The following TNFRSF11A variants were observed in gnomAD, a reference collection of about 807,000 sequenced individuals.
The protein encoded by TNFRSF11A is TNF receptor superfamily member 11a.
TNFRSF11A carries 32 observed loss-of-function variants against 55.7 expected under a neutral mutation model. The ratio of observed to expected loss-of-function variants is 0.57; its 90% confidence interval spans 0.43 to 0.77. The LOEUF (loss-of-function observed/expected upper bound fraction) is 0.77, where lower values mean the gene tolerates loss of function less well. TNFRSF11A is among the 30% of genes least tolerant of loss of function. The pLI is 0.00. For missense variants in TNFRSF11A, 753 were observed against 809.8 expected (o/e 0.93, Z 0.85); for synonymous variants, 311 against 331.0 (o/e 0.94, Z 0.65).
intron 9 of TNFRSF11A, among the ~76,000 whole-genome samples, chr18:62,370,609 T>C (rs540794774): frequency 6.6e-6 from 1 of 152,284 alleles, no homozygotes; most frequent in Admixed American, 6.5e-5. Context: ...AAGCTTGTGG[T>C]TTTGCTGCAG....
intron 9 of TNFRSF11A, among the ~76,000 whole-genome samples, chr18:62,377,768 T>C (rs1016943422): frequency 3.3e-5 from 5 of 152,222 alleles, no homozygotes; most frequent in Non-Finnish European, 5.9e-5. Flanking sequence ...TTTTAAGAGT[T>C]CCTTGTTTAT....
chr18:62,338,853 T>A (rs1392794335), intron 1 of TNFRSF11A, among the ~76,000 whole-genome samples: 1 of 152,208 alleles, frequency 6.6e-6, no homozygotes, highest in Non-Finnish European at 1.5e-5. Context: ...AAAGTTTTTT[T>A]AAAAAGGCAT....
chr18:62,352,635 T>A (rs1408911087), intron 3 of TNFRSF11A, among the ~76,000 whole-genome samples: 2 of 152,244 alleles, frequency 1.3e-5, no homozygotes, highest in Non-Finnish European at 2.9e-5. Flanking sequence ...CACCCAGGCT[T>A]ACATTCGGAT....
At position 62,358,682 on chromosome 18, in the gene TNFRSF11A, A is replaced by C. The variant is rs563436991; in HGVS notation, c.521+341A>C. On this transcript the variant is annotated intron_variant, in intron 5 of 9. Coordinates refer to ENST00000586569, the MANE Select transcript of TNFRSF11A (RefSeq NM_003839.4). ...CCCGATTTCCCAACATCACTGATTT[A>C]TTCATCCAGTTATTTGTGTGTGTGT... 5.9e-5 allele frequency among the ~76,000 whole-genome samples: 9 copies of C among 152,296 alleles called. No homozygotes were observed. In the South Asian group the frequency reaches 1.7e-3, roughly 28 times the overall value.
chr18:62,365,122 G>A (rs1009857800), intron 7 of TNFRSF11A, among the ~76,000 whole-genome samples: 10 of 151,880 alleles, frequency 6.6e-5, no homozygotes, highest in Non-Finnish European at 8.8e-5. Flanking sequence ...CACCATGCCC[G>A]GCTAATTTTT....
chr18:62,360,167 G>A (rs532621585), intron 6 of TNFRSF11A, 118 bp downstream of exon 6: 121 of 742,454 alleles, frequency 1.6e-4, no homozygotes, highest in Non-Finnish European at 2.6e-4. Flanking sequence ...ATTTCATCCC[G>A]TGCATGGTCA....
At chr18:62,368,140 C>G (rs532375681) in intron 8 of TNFRSF11A, among the ~76,000 whole-genome samples, 79 of 152,284 alleles carry the variant, frequency 5.2e-4, no homozygotes, top group African/African-American at 1.7e-3. Context: ...AAAGCATAAG[C>G]TCAAACTGAT....
chr18:62,384,869 T>G lies in TNFRSF11A; in HGVS notation c.1686T>G (p.Ala562=). ...CCTCGCAGGAGGGCGCGGCGGCGGC[T>G]GCGGAGCCCATGGGCCGCCCGGTGC... ...SQTSQEGAAA[A]AEPMGRPVQE... The change falls in exon 10 of 10, where the codon GCT becomes GCG. Residue 562 remains alanine, a synonymous_variant. Transcript: ENST00000586569. The G allele has an allele frequency of 6.2e-7, 1 of 1,600,760 alleles. No homozygotes were observed. Among genetic ancestry groups the G allele is most frequent in the Non-Finnish European group, 8.5e-7 (1 of 1,173,998 alleles).
At chr18:62,351,889 C>T (rs796850534) in intron 3 of TNFRSF11A, among the ~76,000 whole-genome samples, 4 of 152,276 alleles carry the variant, frequency 2.6e-5, no homozygotes, top group South Asian at 4.2e-4. Flanking sequence ...CTTGGCCTCC[C>T]GGGTTCAAAC....
At chr18:62,354,320 C>T (rs1235209128) in intron 3 of TNFRSF11A, 71 bp from the exon 4 acceptor site, 6 of 1,471,874 alleles carry the variant, frequency 4.1e-6, no homozygotes, top group Non-Finnish European at 4.5e-6. Flanking sequence ...TGTTGGATAG[C>T]GCAGTCGTGG....
At chr18:62,351,878 C>A (rs1169964337) in intron 3 of TNFRSF11A, among the ~76,000 whole-genome samples, 1 of 152,168 alleles carries the variant, frequency 6.6e-6, no homozygotes, top group East Asian at 1.9e-4. Context: ...CTCACTGCAA[C>A]CTTGGCCTCC....
At chr18:62,358,396 T>A in intron 5 of TNFRSF11A, 55 bp downstream of exon 5, 1 of 1,506,602 alleles carries the variant, frequency 6.6e-7, no homozygotes, top group Non-Finnish European at 9.2e-7. Flanking sequence ...CAACTCAACC[T>A]CCACTGTCTC....
intron 9 of TNFRSF11A, among the ~76,000 whole-genome samples, chr18:62,380,489 T>G (rs1325729408): frequency 2.0e-5 from 3 of 148,200 alleles, no homozygotes; most frequent in Non-Finnish European, 4.4e-5. Flanking sequence ...CAGGCTGGAG[T>G]GCAGTGGCAT....
intron 1 of TNFRSF11A, among the ~76,000 whole-genome samples, chr18:62,334,155 C>T (rs904629435): frequency 4.6e-5 from 7 of 152,168 alleles, no homozygotes; most frequent in African/African-American, 1.4e-4. Context: ...CATGAGCCAC[C>T]GCGCCTGGCC....
chr18:62,381,452 G>A (rs576873766), intron 9 of TNFRSF11A, among the ~76,000 whole-genome samples: 14 of 152,282 alleles, frequency 9.2e-5, no homozygotes, highest in African/African-American at 3.4e-4. Context: ...CATGACATAA[G>A]CAGATAAATC....
In TNFRSF11A at chr18:62,384,945, T is replaced by C; in HGVS notation, c.1762T>C (p.Phe588Leu). ...RDSFAGNGPRFPDPCGGPEGL... is the reference protein window; with the variant it reads ...RDSFAGNGPRLPDPCGGPEGL... The stretch of plus-strand genomic sequence containing the variant: ...CTCCTTCGCGGGGAACGGCCCGCGC[T>C]TCCCGGACCCGTGCGGCGGCCCCGA... Residue 588 changes from phenylalanine to leucine, a missense_variant, in exon 10 of 10, where the codon TTC becomes CTC. Physicochemically the swap from Phe to Leu is conservative, Grantham distance 22. Around this residue, in one of 3 missense-constraint regions of TNFRSF11A, gnomAD observed 567 missense variants for 596.7 expected, o/e 0.95. Coordinates refer to ENST00000586569, the MANE Select transcript of TNFRSF11A (RefSeq NM_003839.4). The C allele has an allele frequency of 6.6e-7, 1 of 1,524,356 alleles. No individual in the cohort carries two copies. The highest frequency in any genetic ancestry group is 8.8e-7 in the Non-Finnish European group (1 of 1,139,656). 94.4% of individuals were successfully genotyped at this position (1,524,356 alleles called of 1,614,324 possible). A position where few individuals can be genotyped will look rare whatever the true frequency, so the allele number is the denominator to read the frequency against.
chr18:62,338,651 C>A (rs1171201944), intron 1 of TNFRSF11A, among the ~76,000 whole-genome samples: 2 of 151,964 alleles, frequency 1.3e-5, no homozygotes, highest in African/African-American at 4.8e-5. Context: ...AGGTGGTTTC[C>A]AGGAGCTTGA....
intron 1 of TNFRSF11A, among the ~76,000 whole-genome samples, chr18:62,342,550 GC>G (rs2046329411): frequency 6.6e-6 from 1 of 151,876 alleles, no homozygotes; most frequent in African/African-American, 2.4e-5. Flanking sequence ...TGAATGTTTT[GC>G]TGCGAATCAC....
In TNFRSF11A at chr18:62,325,760, C is replaced by T. The variant is rs914337921; in HGVS notation, c.75+333C>T. Among the ~76,000 whole-genome samples, 4 of 152,214 alleles carry T rather than the reference C, an allele frequency of 2.6e-5. No homozygotes were observed. Among genetic ancestry groups the T allele is most frequent in the Non-Finnish European group, 5.9e-5 (4 of 68,028 alleles). On this transcript the variant is annotated intron_variant, in intron 1 of 9. Transcript: ENST00000586569. This position sits in a 1 kb window ranked among gnomAD's most constrained non-coding sequence, Gnocchi z 4.7. ...TTGAGCACCTACTAAGCGCTTGCGC[C>T]GGGCGGTGCCGCGGGAGACAGCGCC...
Sources: allele counts gnomAD v4.1 joint callset (sites outside exome capture counted in the v4.1 genomes callset), GRCh38; gene constraint gnomAD v4.1.1; regional missense constraint gnomAD v4.1.1; non-coding constraint Gnocchi (gnomAD v3.1); transcripts MANE v1.5; gene names NCBI Gene and HGNC (gene_info 2026-07-23, HGNC 2026-07-21).